The following MTUS2 variants were observed in gnomAD, a reference collection of about 807,000 sequenced individuals.
MTUS2 encodes microtubule associated scaffold protein 2.
MTUS2 carries 40 observed loss-of-function variants against 114.1 expected under a neutral mutation model. The ratio of observed to expected loss-of-function variants is 0.35; its 90% CI spans 0.27 to 0.46. The LOEUF (loss-of-function observed/expected upper bound fraction) is 0.46, where lower values mean the gene tolerates loss of function less well. MTUS2 is among the 20% of genes least tolerant of loss of function. The pLI, the probability that MTUS2 is intolerant of heterozygous loss-of-function variation, is 1.00. For missense variants in MTUS2, 1,679 were observed against 1,705.4 expected (o/e 0.98, Z 0.27); for synonymous variants, 688 against 672.0 (o/e 1.02, Z -0.37).
At chr13:29,490,637 G>A (rs190935152) in intron 11 of MTUS2, among the ~76,000 whole-genome samples, 2 of 152,384 alleles carry the variant, frequency 1.3e-5, no homozygotes, top group African/African-American at 4.8e-5. Context: ...GTTCTTCCTT[G>A]CATCTGAGTT....
chr13:28,909,490 T>A (rs1022704184), intron 2 of MTUS2, among the ~76,000 whole-genome samples: 1 of 152,144 alleles, frequency 6.6e-6, no homozygotes, highest in Non-Finnish European at 1.5e-5. Flanking sequence ...GGCTCTCTGT[T>A]TAAAACTCTC....
chr13:28,928,936 G>A (rs1009602236), intron 2 of MTUS2, among the ~76,000 whole-genome samples: 2 of 152,144 alleles, frequency 1.3e-5, no homozygotes, highest in South Asian at 2.1e-4. Context: ...TGAAACACAC[G>A]TGTACACATG....
At chr13:29,417,110 C>G (rs1181778795) in intron 8 of MTUS2, among the ~76,000 whole-genome samples, 1 of 152,152 alleles carries the variant, frequency 6.6e-6, no homozygotes, top group Non-Finnish European at 1.5e-5. Flanking sequence ...GCATCTGTTT[C>G]TGTTTGGCTT....
Position 29,109,156 on chromosome 13 carries a change from C to G in MTUS2, c.2644+8186C>G, listed in dbSNP as rs144537891. Among the ~76,000 whole-genome samples the G allele has an allele frequency of 2.3e-3, 343 of 152,216 alleles. 1 individual carries two copies. Among genetic ancestry groups the G allele is most frequent in the Middle Eastern group, 0.01 (3 of 294 alleles). ...AAGCTCTTAGACAACCGTTCTTCTT[C>G]TAACCTTTTTGAAGTATAACAGACA... On this transcript the variant is annotated intron_variant, in intron 5 of 15. Transcript: ENST00000612955.
At chr13:29,477,048 G>A (rs1264747632) in intron 9 of MTUS2, 1 of 152,208 alleles carries the variant, frequency 6.6e-6, no homozygotes, top group South Asian at 2.1e-4. Flanking sequence ...GAATTTTAGA[G>A]GAAAGAGCAC....
At chr13:28,853,937 A>G (rs139304265) in intron 2 of MTUS2, among the ~76,000 whole-genome samples, 3 of 152,372 alleles carry the variant, frequency 2.0e-5, no homozygotes, top group African/African-American at 7.2e-5. Flanking sequence ...ATGGCTTGTT[A>G]TAGTAGTTAC....
chr13:29,392,968 A>G (rs1873625543), intron 8 of MTUS2, among the ~76,000 whole-genome samples: 1 of 152,234 alleles, frequency 6.6e-6, no homozygotes, highest in African/African-American at 2.4e-5. Context: ...TTGGGAATTC[A>G]GAATGATTTT....
chr13:29,457,012 G>A (rs921692867), intron 9 of MTUS2, among the ~76,000 whole-genome samples: 6 of 151,702 alleles, frequency 4.0e-5, no homozygotes, highest in Non-Finnish European at 7.4e-5. Flanking sequence ...AGGCATGGTG[G>A]CAGGCACCTG....
intron 5 of MTUS2, among the ~76,000 whole-genome samples, chr13:29,112,971 T>C (rs1293078838): frequency 2.6e-5 from 4 of 151,976 alleles, no homozygotes; most frequent in Admixed American, 1.3e-4. Context: ...CAGTAAGAGG[T>C]GCATGGGGGA....
At chr13:29,378,184 T>G (rs1871900010) in intron 8 of MTUS2, among the ~76,000 whole-genome samples, 1 of 152,180 alleles carries the variant, frequency 6.6e-6, no homozygotes, top group Non-Finnish European at 1.5e-5. Context: ...TGGTGTTATT[T>G]ATATGCATCT....
At chr13:29,046,594 G>T (rs1467447651) in intron 4 of MTUS2, among the ~76,000 whole-genome samples, 16 of 152,178 alleles carry the variant, frequency 1.1e-4, no homozygotes, top group Admixed American at 1.0e-3. Flanking sequence ...GCCTTCACTA[G>T]AAACCCTTCC....
intron 7 of MTUS2, among the ~76,000 whole-genome samples, chr13:29,356,126 A>AGG (rs1332472996): frequency 6.6e-6 from 1 of 152,162 alleles, no homozygotes; most frequent in Admixed American, 6.5e-5. Context: ...GCAGTGGGGA[A>AGG]GGAGGTGATG....
At chr13:29,425,438 A>G (rs1173124368) in intron 8 of MTUS2, among the ~76,000 whole-genome samples, 2 of 152,156 alleles carry the variant, frequency 1.3e-5, no homozygotes, top group Non-Finnish European at 2.9e-5. Flanking sequence ...CAAAAAAAAG[A>G]AAGAAATACT....
intron 8 of MTUS2, among the ~76,000 whole-genome samples, chr13:29,376,088 G>T (rs1184009564): frequency 6.6e-6 from 1 of 151,802 alleles, no homozygotes; most frequent in Non-Finnish European, 1.5e-5. Context: ...TATTTAATGG[G>T]AAATGATACC....
At chr13:29,056,771 T>C (rs1382348812) in intron 4 of MTUS2, among the ~76,000 whole-genome samples, 1 of 152,154 alleles carries the variant, frequency 6.6e-6, no homozygotes, top group Non-Finnish European at 1.5e-5. Context: ...CTTGGATTCA[T>C]TAATATTTTG....
intron 5 of MTUS2, among the ~76,000 whole-genome samples, chr13:29,127,377 C>T (rs976426088): frequency 6.6e-5 from 10 of 152,166 alleles, no homozygotes; most frequent in Admixed American, 2.6e-4. Context: ...TAGATGTTAC[C>T]ATGGAGGTAT....
At chr13:28,862,578 A>T (rs1365152113) in intron 2 of MTUS2, among the ~76,000 whole-genome samples, 1 of 152,188 alleles carries the variant, frequency 6.6e-6, no homozygotes, top group Non-Finnish European at 1.5e-5. Flanking sequence ...GTGCCACTGC[A>T]CTCCGGCCTG....
chr13:28,933,545 T>A (rs571964047), intron 2 of MTUS2, among the ~76,000 whole-genome samples: 1 of 152,332 alleles, frequency 6.6e-6, no homozygotes, highest in East Asian at 1.9e-4. Flanking sequence ...CGCTATAACC[T>A]AATCAAGTTG....
intron 10 of MTUS2, chr13:29,485,339 A>T (rs980031780): frequency 2.6e-5 from 4 of 152,680 alleles, no homozygotes; most frequent in African/African-American, 4.8e-5. Context: ...ATAGGAGAAG[A>T]CGTTATATGG....
Sources: gnomAD v4.1 joint callset for allele counts (sites outside exome capture counted in the v4.1 genomes callset) on GRCh38, gnomAD v4.1.1 for gene constraint, MANE v1.5 for transcripts, NCBI Gene and HGNC (gene_info 2026-07-23, HGNC 2026-07-21) for gene names.